The following PHF3 variants were observed in gnomAD, a reference collection of about 807,000 sequenced individuals.
PHF3 encodes the protein PHD finger protein 3.
A neutral mutation model predicts 178.4 loss-of-function variants in PHF3; 41 were observed. The ratio of observed to expected loss-of-function variants is 0.23; its 90% CI spans 0.18 to 0.30. The LOEUF is 0.30. Among genes scored for constraint, PHF3 ranks in the 10% least tolerant of loss-of-function variants. The pLI, the probability that PHF3 is intolerant of heterozygous loss-of-function variation, is 1.00. For synonymous variants in PHF3, 842 were observed against 800.5 expected (o/e 1.05, Z -0.88); for missense variants, 2,346 against 2,398.1 (o/e 0.98, Z 0.45).
At position 63,713,153 on chromosome 6, in the gene PHF3, GCCA is replaced by G. The variant is rs1561987478; in HGVS notation, c.5568_5570del (p.Pro1857del). 1 of 1,613,934 alleles carries G rather than the reference GCCA, an allele frequency of 6.2e-7. No homozygotes were observed. The highest frequency in any genetic ancestry group is 8.5e-7 in the Non-Finnish European group (1 of 1,179,958). On this transcript the variant is annotated inframe_deletion, in exon 16 of 16. Coordinates refer to ENST00000262043, the MANE Select transcript of PHF3 (RefSeq NM_001370348.2). ...TTGCTCAAAATCCCATGGTTCCCTG[GCCA>G]CCTGTTGTTCATCTCCCAGGTCAGC...
intron 1 of PHF3, among the ~76,000 whole-genome samples, chr6:63,639,172 G>C (rs376024817): frequency 6.6e-6 from 1 of 152,124 alleles, no homozygotes; most frequent in South Asian, 2.1e-4. Flanking sequence ...GTGAAGAGTG[G>C]ATATAGAGAA....
At position 63,720,696 on chromosome 6, in the gene PHF3, ATT is replaced by A. The variant is rs1225788826; in HGVS notation, c.*6991_*6992del. The A allele has an allele frequency of 2.6e-6, 4 of 1,548,428 alleles. No individual in the cohort carries two copies. The highest frequency in any genetic ancestry group is 2.6e-6 in the Non-Finnish European group (3 of 1,145,708). ...TTCCTGAAAAAATACAACATCTTTAATTTTGCCAACAAAATTGGTTTTAAAAA... is the reference window on the plus strand; with the variant it reads ...TTCCTGAAAAAATACAACATCTTTAATTGCCAACAAAATTGGTTTTAAAAA... On this transcript the variant is annotated 3_prime_UTR_variant, in exon 16 of 16. Transcript: ENST00000262043.
At chr6:63,702,262 A>T in intron 9 of PHF3, 1 of 214,348 alleles carries the variant, frequency 4.7e-6, no homozygotes, top group Non-Finnish European at 9.2e-6. Context: ...TTGCCTCCTG[A>T]TATAAATGTA....
At chr6:63,663,943 T>C (rs1039469649) in intron 2 of PHF3, among the ~76,000 whole-genome samples, 9 of 152,196 alleles carry the variant, frequency 5.9e-5, no homozygotes, top group Non-Finnish European at 1.0e-4. Context: ...TTGAAAGTTG[T>C]ATGTTCATTT....
chr6:63,708,863 A>G (rs920862652), intron 13 of PHF3, among the ~76,000 whole-genome samples: 3 of 152,184 alleles, frequency 2.0e-5, no homozygotes, highest in Admixed American at 1.3e-4. Context: ...TTAATGTGGT[A>G]TGCTTGCCAT....
intron 14 of PHF3, among the ~76,000 whole-genome samples, chr6:63,710,598 C>A (rs1220302837): frequency 6.6e-6 from 1 of 152,132 alleles, no homozygotes. Context: ...CAAGAAAATT[C>A]CTAAGCCAAA....
At chr6:63,686,577 C>A (rs188141629) in intron 4 of PHF3, among the ~76,000 whole-genome samples, 1 of 152,080 alleles carries the variant, frequency 6.6e-6, no homozygotes, top group Non-Finnish European at 1.5e-5. Flanking sequence ...TTCTAGTATT[C>A]AGTGATTTGT....
intron 14 of PHF3, among the ~76,000 whole-genome samples, chr6:63,709,981 T>A (rs1767859038): frequency 6.6e-6 from 1 of 152,188 alleles, no homozygotes; most frequent in African/African-American, 2.4e-5. Context: ...GAAGAAATTG[T>A]TTTTCCCTCC....
At chr6:63,666,538 C>A (rs1366487239) in intron 2 of PHF3, among the ~76,000 whole-genome samples, 1 of 151,820 alleles carries the variant, frequency 6.6e-6, no homozygotes, top group Non-Finnish European at 1.5e-5. Flanking sequence ...CTCCCTGCCA[C>A]AATACCAGTA....
In PHF3 at chr6:63,706,112, G is replaced by A; in HGVS notation, c.3451G>A (p.Glu1151Lys). The part of the protein sequence containing the change: ...VGVARKHSDN[E>K]AESIADALSS... ...AGTAGCTCGCAAACATTCAGACAAT[G>A]AAGCAGAAAGTATAGCAGATGCATT... is the stretch of plus-strand genomic sequence containing the variant. The change falls in exon 12 of 16, where the codon GAA (glutamate) becomes AAA (lysine). Residue 1151 changes from glutamate to lysine, a missense_variant. Physicochemically the swap from Glu to Lys is moderately conservative, Grantham distance 56 (BLOSUM62 1). Coordinates refer to ENST00000262043, the MANE Select transcript of PHF3 (RefSeq NM_001370348.2). 6.2e-7 allele frequency: 1 copy of A among 1,613,914 alleles called. No individual in the cohort carries two copies. The highest frequency in any genetic ancestry group is 8.5e-7 in the Non-Finnish European group (1 of 1,179,870).
chr6:63,679,968 TAA>T (rs1460413262), intron 2 of PHF3, 30 bp from the exon 3 acceptor site: 1 of 1,583,784 alleles, frequency 6.3e-7, no homozygotes, highest in Non-Finnish European at 8.6e-7. Context: ...CCAATATTTT[TAA>T]AAGTTAATTT....
rs1167659141 is a variant in PHF3, at chr6:63,700,565, A to G, written c.3099+99A>G. ...AGGTAAATTCAACACAGACTGCATA[A>G]TAACACAGACTTTCTGTTACATGCT... On this transcript the variant is annotated intron_variant, in intron 9 of 15. Transcript: ENST00000262043. The G allele has an allele frequency of 7.9e-6, 5 of 633,294 alleles. No homozygotes were observed. The East Asian group carries it at 8.3e-5, about 10-fold the overall frequency. 39.2% of individuals were successfully genotyped at this position (633,294 alleles called of 1,614,324 possible). A position where few individuals can be genotyped will look rare whatever the true frequency, so the allele number is the denominator to read the frequency against.
At chr6:63,673,996 C>G (rs760820802) in intron 2 of PHF3, among the ~76,000 whole-genome samples, 4 of 152,074 alleles carry the variant, frequency 2.6e-5, no homozygotes, top group Non-Finnish European at 5.9e-5. Context: ...CATTCCTGGG[C>G]AGCCGAATTC....
chr6:63,658,708 TTGTGTGTGTGTGTGTGTGTGTGTGTG>T (rs3071174), intron 2 of PHF3, among the ~76,000 whole-genome samples: 8 of 145,216 alleles, frequency 5.5e-5, no homozygotes, highest in African/African-American at 7.6e-5. Context: ...CCAATAGATT[TTGTGTGTGTGTGTGTGTGTGTGTGTG>T]TGTGTGTGTG....
chr6:63,636,457 C>G (rs1008091617), intron 1 of PHF3: 1 of 152,184 alleles, frequency 6.6e-6, no homozygotes, highest in East Asian at 1.9e-4. Flanking sequence ...ACCCAGCCGT[C>G]TGCTGCGAGG....
intron 2 of PHF3, among the ~76,000 whole-genome samples, chr6:63,648,350 G>A (rs920375222): frequency 6.6e-6 from 1 of 152,100 alleles, no homozygotes; most frequent in Non-Finnish European, 1.5e-5. Context: ...TATGCTGACT[G>A]TTTCCTAGTT....
chr6:63,681,301 G>A (rs1766424973), intron 3 of PHF3, among the ~76,000 whole-genome samples: 1 of 151,994 alleles, frequency 6.6e-6, no homozygotes, highest in Non-Finnish European at 1.5e-5. Context: ...GGTGTATTTT[G>A]TGTATGGAGC....
intron 11 of PHF3, among the ~76,000 whole-genome samples, chr6:63,705,022 G>A (rs10943958): frequency 0.38 from 57,856 of 151,936 alleles, 11,374 homozygotes; most frequent in African/African-American, 0.47. Flanking sequence ...TTTTCCTGAT[G>A]ACATATGTGG....
At chr6:63,689,354 A>G (rs1436894206) in intron 4 of PHF3, among the ~76,000 whole-genome samples, 3 of 152,166 alleles carry the variant, frequency 2.0e-5, no homozygotes, top group Non-Finnish European at 4.4e-5. Flanking sequence ...CCCCAATTGT[A>G]GAAGACTAGT....
Sources: allele counts gnomAD v4.1 joint callset (sites outside exome capture counted in the v4.1 genomes callset), GRCh38; gene constraint gnomAD v4.1.1; transcripts MANE v1.5; gene names NCBI Gene and HGNC (gene_info 2026-07-23, HGNC 2026-07-21).